The following CCSER1 variants were observed in gnomAD, a reference collection of about 807,000 sequenced individuals.
CCSER1 encodes serine-rich coiled-coil domain-containing protein 1.
Under a neutral mutation model 82.0 loss-of-function variants are expected in CCSER1, and 41 were observed. The observed-to-expected ratio is 0.50, with a 90% confidence interval of 0.39 to 0.65. CCSER1 has a LOEUF of 0.65. CCSER1 is among the 30% of genes least tolerant of loss of function. The pLI is 0.00. For synonymous variants in CCSER1, 414 were observed against 383.9 expected (o/e 1.08, Z -0.92); for missense variants, 1,119 against 1,064.2 (o/e 1.05, Z -0.72).
intron 10 of CCSER1, among the ~76,000 whole-genome samples, chr4:91,260,944 T>C (rs1741078659): frequency 6.6e-6 from 1 of 151,996 alleles, no homozygotes; most frequent in Non-Finnish European, 1.5e-5. Flanking sequence ...TTTGTATTTT[T>C]AGTAGAGACA....
At chr4:90,189,177 G>C (rs76932174) in intron 1 of CCSER1, among the ~76,000 whole-genome samples, 1 of 152,040 alleles carries the variant, frequency 6.6e-6, no homozygotes, top group Non-Finnish European at 1.5e-5. Flanking sequence ...GTTGTCACGA[G>C]AAGGAAGGAA....
intron 4 of CCSER1, among the ~76,000 whole-genome samples, chr4:90,406,935 A>C (rs1489374171): frequency 6.6e-6 from 1 of 152,214 alleles, no homozygotes; most frequent in African/African-American, 2.4e-5. Flanking sequence ...ATCTAAGCTC[A>C]CACCTCACGG....
intron 10 of CCSER1, among the ~76,000 whole-genome samples, chr4:91,170,559 C>T (rs1413733545): frequency 1.3e-5 from 2 of 152,186 alleles, no homozygotes; most frequent in Non-Finnish European, 2.9e-5. Context: ...CGATTCAAGG[C>T]AGCTCTAGGC....
At chr4:91,566,672 G>T (rs758913606) in intron 10 of CCSER1, among the ~76,000 whole-genome samples, 2 of 152,112 alleles carry the variant, frequency 1.3e-5, no homozygotes, top group Admixed American at 6.6e-5. Context: ...TAGTTTGTGT[G>T]TGTAGAGGTG....
At chr4:90,923,083 T>C (rs1358322467) in intron 8 of CCSER1, among the ~76,000 whole-genome samples, 2 of 152,192 alleles carry the variant, frequency 1.3e-5, no homozygotes, top group Non-Finnish European at 2.9e-5. Flanking sequence ...AAACAAAGCA[T>C]AGACATTTGG....
At chr4:90,683,911 CT>C (rs1032853649) in intron 6 of CCSER1, among the ~76,000 whole-genome samples, 2 of 151,804 alleles carry the variant, frequency 1.3e-5, no homozygotes, top group Admixed American at 6.6e-5. Flanking sequence ...AAATAATTAT[CT>C]TTTTTTTCAA....
intron 10 of CCSER1, among the ~76,000 whole-genome samples, chr4:91,542,728 G>A (rs980926219): frequency 6.6e-6 from 1 of 152,082 alleles, no homozygotes; most frequent in African/African-American, 2.4e-5. Flanking sequence ...CCAACTATGT[G>A]GTCAATTTTG....
At chr4:91,502,439 A>C (rs764180093) in intron 10 of CCSER1, among the ~76,000 whole-genome samples, 99 of 152,320 alleles carry the variant, frequency 6.5e-4, no homozygotes, top group Non-Finnish European at 1.0e-3. Context: ...TATTCTTGGC[A>C]TATAATAATA....
rs72656123 is a variant in CCSER1, at chr4:91,330,685, T to C, written c.2217+244691T>C. Among the ~76,000 whole-genome samples, 753 of 152,270 alleles carry C rather than the reference T, an allele frequency of 4.9e-3. 7 individuals carry two copies. Among genetic ancestry groups the C allele is most frequent in the Middle Eastern group, 0.027 (8 of 294 alleles). ...TTGCAAAACAATCAAGGAGACCAAT[T>C]GCCCTGGAGAAGTAGTGGCTCAGCT... On this transcript the variant is annotated intron_variant, in intron 10 of 10. Transcript: ENST00000509176.
intron 3 of CCSER1, among the ~76,000 whole-genome samples, chr4:90,378,943 A>C (rs1254427039): frequency 6.6e-6 from 1 of 152,152 alleles, no homozygotes; most frequent in African/African-American, 2.4e-5. Flanking sequence ...ATGGATGTGA[A>C]CAGGAACACA....
intron 4 of CCSER1, among the ~76,000 whole-genome samples, chr4:90,453,805 C>T (rs7660138): frequency 0.24 from 37,028 of 152,042 alleles, 6,367 homozygotes; most frequent in African/African-American, 0.48. Context: ...CTTATGGTAG[C>T]ACTAAGAGAG....
intron 1 of CCSER1, among the ~76,000 whole-genome samples, chr4:90,272,068 C>T (rs1018274535): frequency 8.6e-5 from 13 of 151,114 alleles, no homozygotes; most frequent in Non-Finnish European, 1.6e-4. Context: ...CTCACTGTCA[C>T]GACAACAGCG....
intron 10 of CCSER1, among the ~76,000 whole-genome samples, chr4:91,292,203 C>G (rs1294590119): frequency 1.3e-5 from 2 of 151,962 alleles, no homozygotes; most frequent in Non-Finnish European, 2.9e-5. Context: ...ACATGGTCCA[C>G]AGAGCTAGAG....
chr4:90,352,315 C>G (rs1743607292), intron 3 of CCSER1, among the ~76,000 whole-genome samples: 1 of 150,382 alleles, frequency 6.6e-6, no homozygotes, highest in South Asian at 2.1e-4. Flanking sequence ...CAGACCGAGA[C>G]TCTGTCTCAA....
chr4:90,730,417 C>A (rs1221640743), intron 7 of CCSER1, among the ~76,000 whole-genome samples: 1 of 152,142 alleles, frequency 6.6e-6, no homozygotes, highest in South Asian at 2.1e-4. Flanking sequence ...GCCATCTATG[C>A]ATTCAAGGAT....
chr4:91,050,730 A>G (rs1159662558), intron 9 of CCSER1, among the ~76,000 whole-genome samples: 2 of 152,190 alleles, frequency 1.3e-5, no homozygotes, highest in East Asian at 1.9e-4. Context: ...AGAATAGAAG[A>G]CAAAGCATCA....
At chr4:91,542,060 AT>A (rs1560750008) in intron 10 of CCSER1, among the ~76,000 whole-genome samples, 1 of 152,012 alleles carries the variant, frequency 6.6e-6, no homozygotes, top group East Asian at 1.9e-4. Flanking sequence ...GCTTCATCCA[AT>A]TTTTGATGGG....
chr4:90,267,593 G>A (rs1055987823), intron 1 of CCSER1, among the ~76,000 whole-genome samples: 9 of 152,250 alleles, frequency 5.9e-5, no homozygotes, highest in Middle Eastern at 3.4e-3. Flanking sequence ...GGTGACCACA[G>A]GGGTGCTTGT....
At chr4:91,249,768 A>T (rs529570119) in intron 10 of CCSER1, among the ~76,000 whole-genome samples, 1 of 152,076 alleles carries the variant, frequency 6.6e-6, no homozygotes, top group South Asian at 2.1e-4. Flanking sequence ...AATATCTATT[A>T]AGTTTCTCCT....
Sources: allele counts gnomAD v4.1 joint callset (sites outside exome capture counted in the v4.1 genomes callset), GRCh38; gene constraint gnomAD v4.1.1; transcripts MANE v1.5; gene names NCBI Gene and HGNC (gene_info 2026-07-23, HGNC 2026-07-21).